Variants in DOCK2 observed in about 807,000 individuals in gnomAD.
DOCK2 encodes dedicator of cytokinesis 2, also known as dedicator of cytokinesis protein 2.
Under a neutral mutation model 248.9 loss-of-function variants are expected in DOCK2, and 87 were observed. The ratio of observed to expected loss-of-function variants is 0.35; its 90% confidence interval spans 0.29 to 0.42. The LOEUF (loss-of-function observed/expected upper bound fraction) is 0.42. DOCK2 is among the 10% of genes least tolerant of loss of function. The pLI is 1.00. For synonymous variants in DOCK2, 805 were observed against 821.6 expected, an observed-to-expected ratio of 0.98 and a Z score of 0.35; for missense variants, 1,747 against 2,300.2, an observed-to-expected ratio of 0.76 and a Z score of 4.92.
chr5:169,927,076 A>C (rs1006058120), intron 27 of DOCK2, among the ~76,000 whole-genome samples: 1 of 152,220 alleles, frequency 6.6e-6, no homozygotes. Context: ...ATTCTTCATA[A>C]ATATGCTACA....
At chr5:169,851,725 A>T (rs1770624306) in intron 27 of DOCK2, among the ~76,000 whole-genome samples, 1 of 152,206 alleles carries the variant, frequency 6.6e-6, no homozygotes, top group African/African-American at 2.4e-5. Flanking sequence ...ACTTACAATC[A>T]TGGTGGAAGG....
intron 23 of DOCK2, among the ~76,000 whole-genome samples, chr5:169,753,053 G>GGAGTGCAATATT (rs1763989503): frequency 1.4e-5 from 2 of 142,140 alleles, no homozygotes; most frequent in Non-Finnish European, 3.0e-5. Context: ...GACAGAGCAA[G>GGAGTGCAATATT]ACTCTATCTA....
At chr5:169,749,908 G>A (rs1255569474) in intron 23 of DOCK2, among the ~76,000 whole-genome samples, 8 of 152,298 alleles carry the variant, frequency 5.3e-5, no homozygotes, top group South Asian at 2.1e-4. Flanking sequence ...GAGGAGATGC[G>A]GCAGGAGCCC....
intron 2 of DOCK2, among the ~76,000 whole-genome samples, chr5:169,654,712 C>T (rs978510151): frequency 6.6e-5 from 10 of 152,254 alleles, no homozygotes; most frequent in African/African-American, 2.4e-4. Context: ...TTGTTATGCT[C>T]TCCATTTGCT....
intron 27 of DOCK2, among the ~76,000 whole-genome samples, chr5:169,903,583 T>A (rs1384807972): frequency 6.6e-6 from 1 of 151,594 alleles, no homozygotes; most frequent in African/African-American, 2.4e-5. Context: ...AGAAGGGAAG[T>A]CACTTCAGGA....
intron 27 of DOCK2, among the ~76,000 whole-genome samples, chr5:169,898,617 T>C (rs149247261): frequency 2.6e-5 from 4 of 152,180 alleles, no homozygotes; most frequent in African/African-American, 9.7e-5. Flanking sequence ...GCTCTTAACA[T>C]AGTGTCTATC....
At chr5:169,778,003 C>T (rs1388390881) in intron 25 of DOCK2, among the ~76,000 whole-genome samples, 1 of 152,190 alleles carries the variant, frequency 6.6e-6, no homozygotes, top group Non-Finnish European at 1.5e-5. Flanking sequence ...TACGTGAGCA[C>T]ACATTCCCTC....
rs769839423 is a variant in DOCK2, at chr5:170,034,449, A to G, written c.3518A>G (p.Asn1173Ser). The G allele has an allele frequency of 6.2e-7, 1 of 1,614,052 alleles. No homozygotes were observed. Among genetic ancestry groups the G allele is most frequent in the African/African-American group, 1.3e-5 (1 of 74,918 alleles). The change falls in exon 35 of 52, where the codon AAC (asparagine) becomes AGC (serine). Residue 1173 changes from asparagine to serine, a missense_variant. By Grantham distance (46) the Asn-to-Ser change is conservative. Around this residue, in one of 4 missense-constraint regions of DOCK2, gnomAD observed 858 missense variants for 1,183.5 expected, o/e 0.72. Transcript: ENST00000520908. ...EHPTIAKSVENFVNLVKGLLE... is the reference protein window; with the variant it reads ...EHPTIAKSVESFVNLVKGLLE... ...CCAACCATTGCCAAGTCGGTGGAGA[A>G]CTTCGTGAACCTGGTCAAAGGCCTC...
At chr5:169,960,082 C>G (rs886173076) in intron 27 of DOCK2, among the ~76,000 whole-genome samples, 2 of 152,128 alleles carry the variant, frequency 1.3e-5, no homozygotes, top group South Asian at 4.1e-4. Flanking sequence ...GATGAGGGAA[C>G]GGTCAGGTTG....
intron 46 of DOCK2, 142 bp downstream of exon 46, chr5:170,069,362 C>A: frequency 1.3e-6 from 1 of 784,674 alleles, no homozygotes; most frequent in Non-Finnish European, 2.1e-6. Flanking sequence ...CCTCTTCCAA[C>A]TCTGTATCAC....
intron 30 of DOCK2, among the ~76,000 whole-genome samples, chr5:170,006,232 C>T (rs1358062637): frequency 6.6e-6 from 1 of 152,194 alleles, no homozygotes; most frequent in Non-Finnish European, 1.5e-5. Context: ...AGCAACGTTG[C>T]TACGGAAACA....
Position 169,714,060 on chromosome 5 carries a change from A to G in DOCK2, c.1692A>G (p.Ala564=). 4 of 1,611,702 alleles carry G rather than the reference A, an allele frequency of 2.5e-6. No homozygotes were observed. The highest frequency in any genetic ancestry group is 3.4e-6 in the Non-Finnish European group (4 of 1,178,500). ...GCAAGAAGATGGAGGATGCCAGCGC[A>G]TACCTGACCCTTCCTTCTTATCGAC... is the stretch of plus-strand genomic sequence containing the variant. ...GDSKKMEDAS[A]YLTLPSYRHH... Residue 564 remains alanine, a synonymous_variant, in exon 18 of 52, where the codon GCA becomes GCG. Coordinates refer to ENST00000520908, the MANE Select transcript of DOCK2 (RefSeq NM_004946.3).
chr5:170,005,530 C>A (rs1438819262), intron 30 of DOCK2, among the ~76,000 whole-genome samples: 1 of 152,060 alleles, frequency 6.6e-6, no homozygotes, highest in African/African-American at 2.4e-5. Context: ...GTGGTGGATG[C>A]CTCATGCTTG....
At chr5:169,658,714 A>G (rs1049670363) in intron 2 of DOCK2, among the ~76,000 whole-genome samples, 2 of 151,424 alleles carry the variant, frequency 1.3e-5, no homozygotes, top group African/African-American at 2.4e-5. Flanking sequence ...TAAATTCTTT[A>G]TAATAGCATA....
At chr5:169,987,226 G>A (rs1444087267) in intron 29 of DOCK2, among the ~76,000 whole-genome samples, 1 of 152,160 alleles carries the variant, frequency 6.6e-6, no homozygotes, top group African/African-American at 2.4e-5. Flanking sequence ...GAATGAAAAG[G>A]CTTCTTTTCC....
At chr5:169,898,884 A>G (rs2066180931) in intron 27 of DOCK2, among the ~76,000 whole-genome samples, 1 of 152,196 alleles carries the variant, frequency 6.6e-6, no homozygotes, top group Admixed American at 6.5e-5. Context: ...AAGTCAGAGA[A>G]CCAGATGGAA....
intron 1 of DOCK2, among the ~76,000 whole-genome samples, chr5:169,638,175 C>T (rs1255211363): frequency 6.6e-6 from 1 of 152,084 alleles, no homozygotes; most frequent in Non-Finnish European, 1.5e-5. Context: ...CAGGCGGATA[C>T]CAGACACCAT....
intron 27 of DOCK2, among the ~76,000 whole-genome samples, chr5:169,925,784 C>T (rs1416449611): frequency 6.6e-6 from 1 of 151,918 alleles, no homozygotes; most frequent in African/African-American, 2.4e-5. Context: ...GATGCCAGAC[C>T]AATAATGGTG....
chr5:169,804,364 G>A (rs261618), intron 26 of DOCK2, among the ~76,000 whole-genome samples: 2,555 of 152,146 alleles, frequency 0.017, 83 homozygotes, highest in African/African-American at 0.058. Flanking sequence ...GCTAGGCACT[G>A]GGAACAAGAA....
Sources: allele counts gnomAD v4.1 joint callset (sites outside exome capture counted in the v4.1 genomes callset), GRCh38; gene constraint gnomAD v4.1.1; regional missense constraint gnomAD v4.1.1; transcripts MANE v1.5; gene names NCBI Gene and HGNC (gene_info 2026-07-23, HGNC 2026-07-21).